The following SGK3 variants were observed in gnomAD, a reference collection of about 807,000 sequenced individuals.
SGK3 encodes serine/threonine-protein kinase Sgk3.
In SGK3, 47 loss-of-function variants were observed where a neutral mutation model predicts 68.5. The ratio of observed to expected loss-of-function variants is 0.69; its 90% CI spans 0.54 to 0.87. The LOEUF is 0.87. Ranked by LOEUF, SGK3 falls within the 40% of genes least tolerant of loss-of-function variation. The pLI, the probability that SGK3 is intolerant of heterozygous loss-of-function variation, is 0.00. For synonymous variants in SGK3, 181 were observed against 189.1 expected (o/e 0.96, Z 0.35); for missense variants, 479 against 575.5 (o/e 0.83, Z 1.72).
At position 66,726,589 on chromosome 8, in the gene SGK3, G is replaced by T. The variant is rs191931140; in HGVS notation, c.-122+13756G>T. On this transcript the variant is annotated intron_variant, in intron 1 of 16. Transcript: ENST00000521198. The stretch of plus-strand genomic sequence containing the variant: ...ACTTGTGCCAGATTTCAAGAAGAAA[G>T]CTGATTAAAATGTTTTAAATATGTA... Among the ~76,000 whole-genome samples the T allele has an allele frequency of 1.8e-4, 28 of 152,132 alleles. No homozygotes were observed. The East Asian group carries it at 5.4e-3, about 29-fold the overall frequency.
chr8:66,748,833 T>G (rs1194338433), intron 1 of SGK3, among the ~76,000 whole-genome samples: 2 of 152,184 alleles, frequency 1.3e-5, no homozygotes, highest in African/African-American at 2.4e-5. Context: ...AGTTGGCCAT[T>G]AGGGACTTCT....
intron 14 of SGK3, among the ~76,000 whole-genome samples, chr8:66,846,093 T>C (rs1340284317): frequency 3.3e-5 from 5 of 152,170 alleles, no homozygotes; most frequent in Non-Finnish European, 7.4e-5. Flanking sequence ...GGTTTTTTTT[T>C]GTTTTTGTTT....
chr8:66,828,048 G>A (rs56041142), intron 6 of SGK3, among the ~76,000 whole-genome samples: 4,800 of 151,780 alleles, frequency 0.032, 89 homozygotes, highest in Admixed American at 0.044. Flanking sequence ...GACGTGAAGC[G>A]GGGAGGCGGA....
chr8:66,807,881 T>C (rs1335360513), intron 4 of SGK3, among the ~76,000 whole-genome samples: 1 of 152,160 alleles, frequency 6.6e-6, no homozygotes, highest in Non-Finnish European at 1.5e-5. Context: ...AATGAAAATA[T>C]TTTTCCAGTG....
At chr8:66,750,432 C>T (rs1585665750) in intron 1 of SGK3, among the ~76,000 whole-genome samples, 4 of 152,140 alleles carry the variant, frequency 2.6e-5, no homozygotes, top group Admixed American at 2.6e-4. Flanking sequence ...TCCAATCCTG[C>T]CCTCAAAGAA....
intron 1 of SGK3, chr8:66,767,965 G>T: frequency 1.1e-6 from 1 of 879,612 alleles, no homozygotes; most frequent in Non-Finnish European, 2.0e-6. Context: ...AAGGATGCCT[G>T]GTTCTTCGTT....
intron 1 of SGK3, among the ~76,000 whole-genome samples, chr8:66,752,008 G>T (rs920394321): frequency 1.3e-5 from 2 of 151,956 alleles, no homozygotes; most frequent in South Asian, 2.1e-4. Flanking sequence ...CAGGTGATTC[G>T]CCCACCTCGG....
chr8:66,782,112 A>G (rs1237602767), intron 1 of SGK3, among the ~76,000 whole-genome samples: 1 of 152,250 alleles, frequency 6.6e-6, no homozygotes, highest in African/African-American at 2.4e-5. Context: ...AGAAATAAAC[A>G]GATACAGATT....
chr8:66,788,726 G>A (rs1352988441), intron 1 of SGK3, among the ~76,000 whole-genome samples: 1 of 152,188 alleles, frequency 6.6e-6, no homozygotes, highest in South Asian at 2.1e-4. Flanking sequence ...CACTTGAGGT[G>A]GGATATCCTG....
At chr8:66,754,262 G>T (rs1585670558) in intron 1 of SGK3, among the ~76,000 whole-genome samples, 1 of 152,214 alleles carries the variant, frequency 6.6e-6, no homozygotes. Context: ...TGTGACCAAT[G>T]TTGGCTTTAG....
intron 1 of SGK3, among the ~76,000 whole-genome samples, chr8:66,782,835 A>G (rs148992381): frequency 5.9e-4 from 90 of 152,282 alleles, no homozygotes; most frequent in African/African-American, 2.1e-3. Context: ...ACTGAAAAGT[A>G]TTTCATTGTC....
intron 1 of SGK3, among the ~76,000 whole-genome samples, chr8:66,717,278 C>G (rs566553035): frequency 6.6e-6 from 1 of 151,322 alleles, no homozygotes; most frequent in South Asian, 2.1e-4. Context: ...GCCTATAATC[C>G]CAGCATTTTG....
intron 16 of SGK3, among the ~76,000 whole-genome samples, chr8:66,857,662 T>C (rs375324897): frequency 6.6e-6 from 1 of 151,982 alleles, no homozygotes; most frequent in East Asian, 1.9e-4. Flanking sequence ...ATGCCTGTGG[T>C]CCCAGCTACT....
chr8:66,852,344 C>T (rs918396523), intron 16 of SGK3, among the ~76,000 whole-genome samples: 2 of 139,616 alleles, frequency 1.4e-5, no homozygotes, highest in African/African-American at 5.4e-5. Flanking sequence ...TGCAGTGGCG[C>T]GATCTTGGCT....
In SGK3 at chr8:66,760,942, G is replaced by A. The variant is rs571874380; in HGVS notation, c.-121-32674G>A. Among the ~76,000 whole-genome samples the A allele has an allele frequency of 9.3e-5, 14 of 151,312 alleles. No homozygotes were observed. In the East Asian group the frequency reaches 2.7e-3, roughly 30 times the overall value. ...TGAGGCAGGAGAATCGCTTGAACCA[G>A]GGAGGCAGAGGTTGCAGTGAGCCAA... is the stretch of plus-strand genomic sequence containing the variant. On this transcript the variant is annotated intron_variant, in intron 1 of 16. Coordinates refer to ENST00000521198, the MANE Select transcript of SGK3 (RefSeq NM_001033578.3).
rs1218741110 is a variant in SGK3, at chr8:66,714,520, T to C, written c.-122+1687T>C. On this transcript the variant is annotated intron_variant, in intron 1 of 16. Coordinates refer to ENST00000521198, the MANE Select transcript of SGK3 (RefSeq NM_001033578.3). ...TTTCTGTGCCCCCCTCCCTTATCTC[T>C]CTCTCATATATTTAACTTTTCAGAG... is the stretch of plus-strand genomic sequence containing the variant. Among the ~76,000 whole-genome samples, 3 of 152,260 alleles carry C rather than the reference T, an allele frequency of 2.0e-5. No homozygotes were observed. The East Asian group carries it at 5.8e-4, about 29-fold the overall frequency.
rs1412815614 is a variant in SGK3 at position 66,769,498 on chromosome 8, A to G, written c.-121-24118A>G. Among the ~76,000 whole-genome samples, 6 of 152,360 alleles carry G rather than the reference A, an allele frequency of 3.9e-5. No homozygotes were observed. The East Asian group carries it at 1.2e-3, about 29-fold the overall frequency. ...CTCAGCCTCTCAAAATGCTGGGATT[A>G]TAGGTGCGGGTCACCGCACCCGGCC... On this transcript the variant is annotated intron_variant, in intron 1 of 16. Transcript: ENST00000521198.
Position 66,793,803 on chromosome 8 carries a change from G to A in SGK3, c.67G>A (p.Glu23Lys). 1 of 1,613,194 alleles carries A rather than the reference G, an allele frequency of 6.2e-7. No individual in the cohort carries two copies. Residue 23 changes from glutamate (E) to lysine (K), a missense_variant, in exon 2 of 17, where the codon GAA (glutamate) becomes AAA (lysine). Around this residue, in one of 3 missense-constraint regions of SGK3, gnomAD observed 298 missense variants for 329.4 expected, o/e 0.90. Transcript: ENST00000521198. ...AAGTGTAAGCATTCCCAGCTCCGAT[G>A]AACACAGAGAGAAAAAGAAGAGGTT... is the stretch of plus-strand genomic sequence containing the variant. ...CPSVSIPSSD[E>K]HREKKKRFTV... is the part of the protein sequence containing the mutation.
At chr8:66,784,665 A>C (rs1261208370) in intron 1 of SGK3, among the ~76,000 whole-genome samples, 3 of 148,776 alleles carry the variant, frequency 2.0e-5, no homozygotes, top group Non-Finnish European at 3.0e-5. Context: ...TATAATAGAC[A>C]AAAAAAATGG....
Sources: allele counts gnomAD v4.1 joint callset (sites outside exome capture counted in the v4.1 genomes callset), GRCh38; gene constraint gnomAD v4.1.1; regional missense constraint gnomAD v4.1.1; transcripts MANE v1.5; gene names NCBI Gene and HGNC (gene_info 2026-07-23, HGNC 2026-07-21).